The following AIMP2 variants were observed in gnomAD, a reference collection of about 807,000 sequenced individuals.
The protein encoded by AIMP2 is aminoacyl tRNA synthase complex-interacting multifunctional protein 2.
Under a neutral mutation model 23.4 loss-of-function variants are expected in AIMP2, and 20 were observed. That is an observed-to-expected ratio of 0.85 (90% CI 0.60 to 1.24). The LOEUF (loss-of-function observed/expected upper bound fraction) is 1.24, where lower values mean the gene tolerates loss of function less well. Among genes scored for constraint, AIMP2 ranks in the 50% most tolerant of loss-of-function variants. The pLI is 0.00. For synonymous variants in AIMP2, 210 were observed against 170.4 expected (o/e 1.23, Z -1.81); for missense variants, 515 against 414.5 (o/e 1.24, Z -2.10).
chr7:6,018,017 G>A lies in AIMP2; in HGVS notation c.546G>A (p.Gln182=). ...QNKKQPRQDY[Q]LGFTLIWKNV... is the part of the protein sequence containing the mutation. ...AAAAACAGCCCCGCCAAGACTATCA[G>A]CTGGGATTCACTTTAATTTGGAAGA... The change falls in exon 3 of 4, where the codon CAG becomes CAA. Residue 182 remains glutamine, a synonymous_variant. Coordinates refer to ENST00000223029, the MANE Select transcript of AIMP2 (RefSeq NM_006303.4). The A allele has an allele frequency of 6.2e-7, 1 of 1,613,910 alleles. No individual in the cohort carries two copies. Among genetic ancestry groups the A allele is most frequent in the Non-Finnish European group, 8.5e-7 (1 of 1,179,966 alleles).
chr7:6,009,702 G>A (rs568226577), intron 1 of AIMP2, among the ~76,000 whole-genome samples: 1 of 151,884 alleles, frequency 6.6e-6, no homozygotes, highest in African/African-American at 2.4e-5. Context: ...TGTAATCCCA[G>A]CACTTTGGGA....
chr7:6,019,498 AAAAAAG>A (rs1351506717), intron 3 of AIMP2, among the ~76,000 whole-genome samples: 18 of 151,684 alleles, frequency 1.2e-4, no homozygotes, highest in Non-Finnish European at 1.3e-4. Context: ...AAAAAAAAAA[AAAAAAG>A]AGATCTCTTG....
intron 3 of AIMP2, among the ~76,000 whole-genome samples, chr7:6,019,122 C>A (rs1176613675): frequency 6.6e-6 from 1 of 151,560 alleles, no homozygotes; most frequent in African/African-American, 2.4e-5. Flanking sequence ...CCGCCTCCAG[C>A]GTGGGGAGTG....
chr7:6,020,540 A>G (rs1787329569), intron 3 of AIMP2, among the ~76,000 whole-genome samples: 1 of 152,236 alleles, frequency 6.6e-6, no homozygotes, highest in South Asian at 2.1e-4. Context: ...CTTGAAGCCA[A>G]AGGATGGTGA....
chr7:6,021,404 T>A (rs1189134743), intron 3 of AIMP2, among the ~76,000 whole-genome samples: 1 of 148,554 alleles, frequency 6.7e-6, no homozygotes, highest in Non-Finnish European at 1.5e-5. Context: ...AAGGATTACA[T>A]CATTGAAGAG....
intron 2 of AIMP2, among the ~76,000 whole-genome samples, chr7:6,017,286 C>T (rs557682730): frequency 5.9e-5 from 9 of 151,806 alleles, no homozygotes; most frequent in South Asian, 4.2e-4. Context: ...GAGGCCAAGA[C>T]GGACAGGTCA....
At chr7:6,018,339 G>T (rs1198856659) in intron 3 of AIMP2, among the ~76,000 whole-genome samples, 1 of 149,996 alleles carries the variant, frequency 6.7e-6, no homozygotes, top group Non-Finnish European at 1.5e-5. Flanking sequence ...TAGTAGAGAC[G>T]GGGTTTCACT....
At chr7:6,015,436 G>C in intron 2 of AIMP2, 84 bp downstream of exon 2, 2 of 1,486,600 alleles carry the variant, frequency 1.3e-6, no homozygotes, top group East Asian at 2.3e-5. Context: ...TAAAGCCTTA[G>C]CTTTCAGGCC....
chr7:6,009,558 T>G (rs1405149310), intron 1 of AIMP2, 60 bp downstream of exon 1: 7 of 1,371,372 alleles, frequency 5.1e-6, no homozygotes, highest in Non-Finnish European at 6.6e-6. Flanking sequence ...CTGGCCCGGG[T>G]CCCCCCAGGC....
chr7:6,021,338 C>CAA (rs563523048), intron 3 of AIMP2, among the ~76,000 whole-genome samples: 16,459 of 65,248 alleles, frequency 0.25, 1,748 homozygotes, highest in East Asian at 0.46. Flanking sequence ...GACTCCATCT[C>CAA]AAAAAAAAAA....
intron 3 of AIMP2, 136 bp from the exon 4 acceptor site, chr7:6,023,167 T>C: frequency 9.8e-7 from 1 of 1,023,552 alleles, no homozygotes; most frequent in Non-Finnish European, 1.4e-6. Context: ...AGACTGAAAA[T>C]GTGATGTTCT....
Position 6,017,909 on chromosome 7 carries a change from C to G in AIMP2, c.438C>G (p.Phe146Leu). Residue 146 changes from phenylalanine to leucine, a missense_variant, in exon 3 of 4, where the codon TTC becomes TTG. Transcript: ENST00000223029. ...TGCACAGGCTGCTCTGTGAGCACTT[C>G]AGGGTCCTGTCCACGGTGCACACGC... ...LVLHRLLCEH[F>L]RVLSTVHTHS... The G allele has an allele frequency of 1.2e-6, 2 of 1,614,128 alleles. No homozygotes were observed. The highest frequency in any genetic ancestry group is 2.2e-5 in the South Asian group (2 of 91,082).
intron 1 of AIMP2, among the ~76,000 whole-genome samples, chr7:6,013,974 A>C (rs1189228626): frequency 6.6e-6 from 1 of 151,882 alleles, no homozygotes; most frequent in East Asian, 1.9e-4. Context: ...AAAAGACAAG[A>C]AAATGATTTG....
At chr7:6,018,968 T>TACACACACACACAC (rs59354100) in intron 3 of AIMP2, among the ~76,000 whole-genome samples, 5,990 of 150,580 alleles carry the variant, frequency 0.04, 198 homozygotes, top group African/African-American at 0.094. Flanking sequence ...TATCAAACCT[T>TACACACACACACAC]ACACACACAC....
rs768503983 is a variant in AIMP2 at position 6,023,786 on chromosome 7, TTTTA to T, written c.*100_*103del. 1.9e-5 allele frequency: 31 copies of T among 1,599,062 alleles called. No homozygotes were observed. Among genetic ancestry groups the T allele is most frequent in the Admixed American group, 1.4e-4 (8 of 57,080 alleles). ...GGGACTTGTATTAGAGTCAGAGTCTTTTTATTTAGGCCAGTTGTCAAGTGTCAAT... is the reference window on the plus strand; with the variant it reads ...GGGACTTGTATTAGAGTCAGAGTCTTTTTAGGCCAGTTGTCAAGTGTCAAT... On this transcript the variant is annotated 3_prime_UTR_variant, in exon 4 of 4. Transcript: ENST00000223029.
chr7:6,009,416 T>A lies in AIMP2; in HGVS notation c.53T>A (p.Val18Glu), dbSNP rs1254470488. 1.9e-6 allele frequency: 3 copies of A among 1,611,516 alleles called. No homozygotes were observed. The highest frequency in any genetic ancestry group is 2.5e-6 in the Non-Finnish European group (3 of 1,179,978). ...CACGGGGGCGGCGCGCCTCTCCGTGTGGAGCTTCCCACCTGCATGTACCGG... is the reference window on the plus strand; with the variant it reads ...CACGGGGGCGGCGCGCCTCTCCGTGAGGAGCTTCCCACCTGCATGTACCGG... The part of the protein sequence containing the change: ...PYHGGGAPLR[V>E]ELPTCMYRLP... The change falls in exon 1 of 4, where the codon GTG (valine) becomes GAG (glutamate). Residue 18 changes from valine (V) to glutamate (E), a missense_variant. Transcript: ENST00000223029.
intron 3 of AIMP2, chr7:6,022,999 C>T (rs1159485367): frequency 3.4e-6 from 1 of 291,640 alleles, no homozygotes; most frequent in East Asian, 6.6e-5. Flanking sequence ...TTCCAGCCCT[C>T]AGCCCCCAAA....
chr7:6,015,473 C>G, intron 2 of AIMP2, 121 bp downstream of exon 2: 9 of 1,100,140 alleles, frequency 8.2e-6, no homozygotes, highest in East Asian at 5.2e-5. Flanking sequence ...GCCTGTAATT[C>G]CAGCACTTTG....
intron 2 of AIMP2, among the ~76,000 whole-genome samples, chr7:6,016,491 G>A (rs1274646325): frequency 6.6e-6 from 1 of 152,124 alleles, no homozygotes; most frequent in African/African-American, 2.4e-5. Flanking sequence ...CATTCATTCA[G>A]TACTTGTTGG....
Sources: allele counts gnomAD v4.1 joint callset (sites outside exome capture counted in the v4.1 genomes callset), GRCh38; gene constraint gnomAD v4.1.1; transcripts MANE v1.5; gene names NCBI Gene and HGNC (gene_info 2026-07-23, HGNC 2026-07-21).